The following SCYL1 variants were observed in gnomAD, a reference collection of about 807,000 sequenced individuals.
The protein encoded by SCYL1 is N-terminal kinase-like protein.
In SCYL1, 85 loss-of-function variants were observed where a neutral mutation model predicts 94.8. That is an observed-to-expected ratio of 0.90 (90% CI 0.75 to 1.07). The LOEUF is 1.07. Among genes scored for constraint, SCYL1 ranks in the 50% least tolerant of loss-of-function variants. The pLI is 0.00. For missense variants in SCYL1, 968 were observed against 1,083.3 expected (o/e 0.89, Z 1.49); for synonymous variants, 459 against 435.5 (o/e 1.05, Z -0.67).
chr11:65,525,759 T>C lies in SCYL1; in HGVS notation c.252+45T>C, dbSNP rs368161746. The C allele has an allele frequency of 4.4e-6, 7 of 1,607,218 alleles. No homozygotes were observed. The African/African-American group carries it at 9.4e-5, about 21-fold the overall frequency. On this transcript the variant is annotated intron_variant, in intron 2 of 17. Coordinates refer to ENST00000270176, the MANE Select transcript of SCYL1 (RefSeq NM_020680.4). ...CCCGTCTCTGCCCCTCACGATGTCC[T>C]GGTTACCCACTCCTGTCTCCCCTCC...
In SCYL1 at chr11:65,535,320, G is replaced by T; in HGVS notation, c.1324G>T (p.Gly442Cys). ...FARLQAKDEQ[G>C]PIRCNTTVCL... is the part of the protein sequence containing the mutation. ...ACGGCTACAGGCCAAGGATGAACAGGGCCCCATCCGCTGCAACACCACAGT... is the reference window on the plus strand; with the variant it reads ...ACGGCTACAGGCCAAGGATGAACAGTGCCCCATCCGCTGCAACACCACAGT... The change falls in exon 10 of 18, where the codon GGC becomes TGC. Residue 442 changes from glycine to cysteine, a missense_variant. Coordinates refer to ENST00000270176, the MANE Select transcript of SCYL1 (RefSeq NM_020680.4). 6.2e-7 allele frequency: 1 copy of T among 1,614,240 alleles called. No individual in the cohort carries two copies. The highest frequency in any genetic ancestry group is 1.1e-5 in the South Asian group (1 of 91,092).
Position 65,537,967 on chromosome 11 carries a change from G to A in SCYL1, c.2032G>A (p.Val678Ile). The change falls in exon 16 of 18, where the codon GTC becomes ATC. Residue 678 changes from valine (V) to isoleucine (I), a missense_variant and splice_region_variant. Around this residue, in one of 2 missense-constraint regions of SCYL1, gnomAD observed 474 missense variants for 463.6 expected, o/e 1.02. Coordinates refer to ENST00000270176, the MANE Select transcript of SCYL1 (RefSeq NM_020680.4). ...ACTTCCCCCTCCCGCTCTTCTACAG[G>A]TCAGCAACTCCGACCACAAATCCTC... ...TGGQVSRASQ[V>I]SNSDHKSSKS... is the part of the protein sequence containing the mutation. The A allele has an allele frequency of 6.2e-7, 1 of 1,609,698 alleles. No homozygotes were observed. The highest frequency in any genetic ancestry group is 8.5e-7 in the Non-Finnish European group (1 of 1,177,742).
In SCYL1 at chr11:65,526,382, G is replaced by T; in HGVS notation, c.602+32G>T. ...GACTGGGGGCAGCGCGCCCCAACCTGCCCTGTCCTGGAGGCCCCTGCAGCC... is the reference window on the plus strand; with the variant it reads ...GACTGGGGGCAGCGCGCCCCAACCTTCCCTGTCCTGGAGGCCCCTGCAGCC... On this transcript the variant is annotated intron_variant, in intron 4 of 17. Transcript: ENST00000270176. This position sits in a 1 kb window ranked among gnomAD's most constrained non-coding sequence, Gnocchi z 4.1. The T allele has an allele frequency of 1.3e-6, 2 of 1,542,344 alleles. No individual in the cohort carries two copies. Among genetic ancestry groups the T allele is most frequent in the Middle Eastern group, 3.5e-4 (2 of 5,768 alleles).
chr11:65,534,471 A>G (rs1229847798), intron 9 of SCYL1, among the ~76,000 whole-genome samples: 1 of 152,064 alleles, frequency 6.6e-6, no homozygotes, highest in Non-Finnish European at 1.5e-5. Flanking sequence ...GAGCAACTGG[A>G]AGGTTAGGAG....
rs1855702985 is a variant in SCYL1 at position 65,537,110 on chromosome 11, A to C, written c.1941A>C (p.Glu647Asp). The change falls in exon 14 of 18, where the codon GAA (glutamate) becomes GAC (aspartate). Residue 647 changes from glutamate (E) to aspartate (D), a missense_variant. Around this residue, in one of 2 missense-constraint regions of SCYL1, gnomAD observed 474 missense variants for 463.6 expected, o/e 1.02. Transcript: ENST00000270176. ...GCACTGCTGACAGATGGGACGACGAAGACTGGGGCAGCCTGGAGGTGTGTG... is the reference window on the plus strand; with the variant it reads ...GCACTGCTGACAGATGGGACGACGACGACTGGGGCAGCCTGGAGGTGTGTG... ...DSSTADRWDD[E>D]DWGSLEQEAE... 3 of 1,614,062 alleles carry C rather than the reference A, an allele frequency of 1.9e-6. No homozygotes were observed. The highest frequency in any genetic ancestry group is 2.7e-5 in the African/African-American group (2 of 74,924).
Position 65,538,397 on chromosome 11 carries a change from C to T in SCYL1, c.2303-45C>T, listed in dbSNP as rs1784221. ...CCCGCCCCTACAGGCCCCCGGCAGG[C>T]ACTGGCTGGAGAGCTGAGACCGGGG... On this transcript the variant is annotated intron_variant, in intron 17 of 17. Transcript: ENST00000270176. 6.6e-3 allele frequency: 10,157 copies of T among 1,539,850 alleles called. 477 individuals carry two copies. The African/African-American group carries it at 0.11, about 16-fold the overall frequency.
rs757808392 is a variant in SCYL1 at position 65,525,610 on chromosome 11, G to A, written c.148G>A (p.Val50Met). Residue 50 changes from valine (V) to methionine (M), a missense_variant, in exon 2 of 18, where the codon GTG becomes ATG. This residue lies in a region of SCYL1 where 494 missense variants were observed against 619.7 expected (regional missense o/e 0.80). Coordinates refer to ENST00000270176, the MANE Select transcript of SCYL1 (RefSeq NM_020680.4). ...CCCCGTGTCCATCTTCGTCTATGAT[G>A]TGAAGCCTGGCGCGGAAGAGCAGAC... ...GSPVSIFVYD[V>M]KPGAEEQTQV... 8.1e-6 allele frequency: 13 copies of A among 1,612,760 alleles called. 1 individual carries two copies. The South Asian group carries it at 1.4e-4, about 18-fold the overall frequency.
intron 6 of SCYL1, among the ~76,000 whole-genome samples, chr11:65,529,619 G>A (rs1406434714): frequency 6.6e-6 from 1 of 152,218 alleles, no homozygotes; most frequent in Non-Finnish European, 1.5e-5. Context: ...GCCAGAGGTC[G>A]CCTCTCCCCG....
At chr11:65,529,931 GGT>G (rs1409645701) in intron 6 of SCYL1, among the ~76,000 whole-genome samples, 25 of 152,272 alleles carry the variant, frequency 1.6e-4, no homozygotes, top group African/African-American at 5.5e-4. Flanking sequence ...GCACCTACCT[GGT>G]AAAGTTGTGA....
In SCYL1 at chr11:65,538,504, A is replaced by G; in HGVS notation, c.2365A>G (p.Lys789Glu). ...GGAGCGGCGGCGGGAGATGGAGGCC[A>G]AACGCGCCGAGAGGAAGGTGGCCAA... ...REERRREMEA[K>E]RAERKVAKGP... Residue 789 changes from lysine (K) to glutamate (E), a missense_variant, in exon 18 of 18, where the codon AAA becomes GAA. By Grantham distance (56) the Lys-to-Glu change is moderately conservative. Transcript: ENST00000270176. 6.2e-7 allele frequency: 1 copy of G among 1,606,414 alleles called. No homozygotes were observed. Among genetic ancestry groups the G allele is most frequent in the African/African-American group, 1.3e-5 (1 of 74,950 alleles).
chr11:65,527,141 C>T (rs970927004), intron 6 of SCYL1, 24 bp downstream of exon 6: 3 of 1,606,948 alleles, frequency 1.9e-6, no homozygotes, highest in Admixed American at 1.7e-5. Flanking sequence ...CCACCCTGGG[C>T]TTCGACCCTA....
In SCYL1 at chr11:65,532,749, C is replaced by G. The variant is rs200614035; in HGVS notation, c.1174C>G (p.His392Asp). 10 of 1,614,030 alleles carry G rather than the reference C, an allele frequency of 6.2e-6. No homozygotes were observed. Among genetic ancestry groups the G allele is most frequent in the Non-Finnish European group, 7.6e-6 (9 of 1,179,984 alleles). ...EPTVNTQIFP[H>D]VVHGFLDTNP... ...AACAGTCAACACCCAGATCTTCCCC[C>G]ACGTCGTACATGGCTTCCTGGACAC... The change falls in exon 9 of 18, where the codon CAC becomes GAC. Residue 392 changes from histidine (H) to aspartate (D), a missense_variant. Coordinates refer to ENST00000270176, the MANE Select transcript of SCYL1 (RefSeq NM_020680.4).
At chr11:65,537,177 C>T (rs754186277) in intron 14 of SCYL1, 49 bp downstream of exon 14, 1 of 1,606,646 alleles carries the variant, frequency 6.2e-7, no homozygotes, top group Admixed American at 1.7e-5. Context: ...CTCAAATCCA[C>T]AGGCTGCCAT....
Position 65,535,250 on chromosome 11 carries a change from G to A in SCYL1, c.1254G>A (p.Lys418=). ...TVKSMLLLAP[K]LNEANLNVEL... is the part of the protein sequence containing the mutation. ...AGTCCATGCTGCTCCTGGCCCCAAAGCTGAACGAGGCCAACCTCAATGTGG... is the reference window on the plus strand; with the variant it reads ...AGTCCATGCTGCTCCTGGCCCCAAAACTGAACGAGGCCAACCTCAATGTGG... The change falls in exon 10 of 18, where the codon AAG becomes AAA. Residue 418 remains lysine, a synonymous_variant. Transcript: ENST00000270176. 1 of 1,614,202 alleles carries A rather than the reference G, an allele frequency of 6.2e-7. No individual in the cohort carries two copies. Among genetic ancestry groups the A allele is most frequent in the Non-Finnish European group, 8.5e-7 (1 of 1,180,018 alleles).
At chr11:65,530,563 C>T (rs879755213) in intron 6 of SCYL1, 66 bp from the exon 7 acceptor site, 12 of 1,549,646 alleles carry the variant, frequency 7.7e-6, no homozygotes, top group Non-Finnish European at 1.1e-5. Context: ...CTTGTCCTCA[C>T]CCATGGCTGG....
At chr11:65,534,347 G>C (rs1278758938) in intron 9 of SCYL1, among the ~76,000 whole-genome samples, 1 of 152,202 alleles carries the variant, frequency 6.6e-6, no homozygotes, top group African/African-American at 2.4e-5. Context: ...AGGAGGCAGA[G>C]GTTGCAGTGA....
intron 6 of SCYL1, among the ~76,000 whole-genome samples, chr11:65,530,040 G>T (rs1010915835): frequency 1.3e-5 from 2 of 152,174 alleles, no homozygotes; most frequent in African/African-American, 4.8e-5. Context: ...GGGTTAGGAG[G>T]ACTAAAGGAG....
At chr11:65,528,997 G>A (rs1339828442) in intron 6 of SCYL1, among the ~76,000 whole-genome samples, 1 of 152,220 alleles carries the variant, frequency 6.6e-6, no homozygotes, top group African/African-American at 2.4e-5. Context: ...TGTATAGTGA[G>A]GAGCATCTGG....
Position 65,536,294 on chromosome 11 carries a change from G to A in SCYL1, c.1611G>A (p.Leu537=). 1 of 1,614,148 alleles carries A rather than the reference G, an allele frequency of 6.2e-7. No individual in the cohort carries two copies. Among genetic ancestry groups the A allele is most frequent in the Non-Finnish European group, 8.5e-7 (1 of 1,179,998 alleles). Residue 537 remains leucine (L), a synonymous_variant, in exon 12 of 18, where the codon TTG becomes TTA. Coordinates refer to ENST00000270176, the MANE Select transcript of SCYL1 (RefSeq NM_020680.4). ...FKAIRSFLSK[L]ESVSEDPTQL... is the part of the protein sequence containing the mutation. ...CCATTCGGAGCTTCCTGTCCAAATT[G>A]GAGTCTGTGTCGGAGGACCCGACCC...
Sources: allele counts gnomAD v4.1 joint callset (sites outside exome capture counted in the v4.1 genomes callset), GRCh38; gene constraint gnomAD v4.1.1; regional missense constraint gnomAD v4.1.1; non-coding constraint Gnocchi (gnomAD v3.1); transcripts MANE v1.5; gene names NCBI Gene and HGNC (gene_info 2026-07-23, HGNC 2026-07-21).